OR14A2: variants seen among roughly 807,000 people sequenced by gnomAD.
The protein encoded by OR14A2 is olfactory receptor family 14 subfamily A member 2, also known as olfactory receptor 14A2.
For missense variants in OR14A2, 237 were observed against 152.9 expected (o/e 1.55, Z -2.90); for synonymous variants, 114 against 58.6 (o/e 1.95, Z -4.32).
At chr1:247,735,457 C>G in the OR14A2 span, among the ~76,000 whole-genome samples, 1 of 151,996 alleles carries the variant, frequency 6.6e-6, no homozygotes, top group African/African-American at 2.4e-5. Context: ...CTCATGAGAC[C>G]CAGAAAGATC....
chr1:247,734,327 G>C, the OR14A2 span, among the ~76,000 whole-genome samples: 1 of 152,100 alleles, frequency 6.6e-6, no homozygotes, highest in African/African-American at 2.4e-5. Context: ...GGCAGCTGAC[G>C]TCTTGATCTC....
chr1:247,723,966 A>G (rs1380103634), exon 1 of OR14A2: 1 of 716,772 alleles, frequency 1.4e-6, no homozygotes, highest in South Asian at 1.5e-5. Flanking sequence ...GGAAGAGCAC[A>G]CCATATAAAA....
the OR14A2 span, among the ~76,000 whole-genome samples, chr1:247,736,829 A>C: frequency 6.6e-6 from 1 of 152,266 alleles, no homozygotes; most frequent in Non-Finnish European, 1.5e-5. Context: ...GAATTAGCTC[A>C]TGTTATGAGT....
At chr1:247,743,674 T>C in the OR14A2 span, among the ~76,000 whole-genome samples, 16 of 152,220 alleles carry the variant, frequency 1.1e-4, no homozygotes, top group Non-Finnish European at 1.9e-4. Flanking sequence ...TTCAAGTTTC[T>C]TCATTATTGA....
the OR14A2 span, among the ~76,000 whole-genome samples, chr1:247,742,295 A>G: frequency 1.4e-5 from 2 of 138,784 alleles, no homozygotes; most frequent in Non-Finnish European, 1.6e-5. Flanking sequence ...CACACACACC[A>G]TGAAGTGGAG....
chr1:247,731,160 C>T, the OR14A2 span, among the ~76,000 whole-genome samples: 1 of 151,920 alleles, frequency 6.6e-6, no homozygotes, highest in Non-Finnish European at 1.5e-5. Flanking sequence ...CAACAAATTC[C>T]TCTTAGGCTT....
At chr1:247,741,532 G>T in the OR14A2 span, among the ~76,000 whole-genome samples, 1 of 152,180 alleles carries the variant, frequency 6.6e-6, no homozygotes, top group African/African-American at 2.4e-5. Flanking sequence ...GTGTGTTTGA[G>T]AACTGAAGGC....
At chr1:247,735,839 T>C in the OR14A2 span, among the ~76,000 whole-genome samples, 122 of 152,310 alleles carry the variant, frequency 8.0e-4, no homozygotes, top group African/African-American at 2.9e-3. Flanking sequence ...GTTTGCAGCA[T>C]TCACTAGATC....
chr1:247,737,678 T>A, the OR14A2 span, among the ~76,000 whole-genome samples: 31 of 152,106 alleles, frequency 2.0e-4, no homozygotes, highest in Non-Finnish European at 4.0e-4. Flanking sequence ...AGTGAAAAAA[T>A]TGCCATTGAA....
chr1:247,740,280 G>A, the OR14A2 span, among the ~76,000 whole-genome samples: 1 of 151,994 alleles, frequency 6.6e-6, no homozygotes, highest in Non-Finnish European at 1.5e-5. Context: ...AGGTTTTATC[G>A]ATTCAACGTT....
At chr1:247,738,698 C>T in the OR14A2 span, 1 of 780,814 alleles carries the variant, frequency 1.3e-6, no homozygotes. Context: ...ATGCTTTGCT[C>T]TTCTCACTGA....
upstream of OR14A2, among the ~76,000 whole-genome samples, chr1:247,728,627 T>C (rs575825956): frequency 6.6e-6 from 1 of 152,210 alleles, no homozygotes; most frequent in South Asian, 2.1e-4. Context: ...AAAGAGGAAG[T>C]CAAATTGTCC....
the OR14A2 span, among the ~76,000 whole-genome samples, chr1:247,735,661 T>C: frequency 6.6e-6 from 1 of 152,176 alleles, no homozygotes. Flanking sequence ...TTGCTCCTTC[T>C]TGAAGAAGGA....
the OR14A2 span, among the ~76,000 whole-genome samples, chr1:247,745,923 G>C: frequency 0.17 from 25,503 of 152,068 alleles, 4,109 homozygotes; most frequent in African/African-American, 0.43. Context: ...CCTGTAAAGT[G>C]TTGTTCTTTC....
chr1:247,725,469 C>T (rs1480583973), upstream of OR14A2, among the ~76,000 whole-genome samples: 1 of 150,658 alleles, frequency 6.6e-6, no homozygotes, highest in Non-Finnish European at 1.5e-5. Flanking sequence ...CCTAAATTTC[C>T]TTAATATCTA....
chr1:247,745,053 A>G, the OR14A2 span, among the ~76,000 whole-genome samples: 1 of 152,160 alleles, frequency 6.6e-6, no homozygotes, highest in Non-Finnish European at 1.5e-5. Flanking sequence ...CATGACTGTT[A>G]TTGCACTTCA....
chr1:247,733,467 C>T, the OR14A2 span, among the ~76,000 whole-genome samples: 1 of 152,118 alleles, frequency 6.6e-6, no homozygotes, highest in Non-Finnish European at 1.5e-5. Context: ...TAAGGAAAGA[C>T]ATTTCCTGTT....
the OR14A2 span, chr1:247,739,588 TTTG>T: frequency 7.3e-5 from 54 of 740,914 alleles, no homozygotes; most frequent in East Asian, 1.0e-3. Flanking sequence ...AGTAACTTTT[TTTG>T]TTGTTGTTGT....
chr1:247,731,672 T>G, the OR14A2 span, among the ~76,000 whole-genome samples: 1 of 152,152 alleles, frequency 6.6e-6, no homozygotes, highest in Non-Finnish European at 1.5e-5. Context: ...AAATAGAAAT[T>G]TTCAATTTTG....
Sources: allele counts gnomAD v4.1 joint callset (sites outside exome capture counted in the v4.1 genomes callset), GRCh38; gene constraint gnomAD v4.1.1; transcripts MANE v1.5; gene names NCBI Gene and HGNC (gene_info 2026-07-23, HGNC 2026-07-21).